The following PPP2R2B variants were observed in gnomAD, a reference collection of about 807,000 sequenced individuals.
PPP2R2B encodes protein phosphatase 2 regulatory subunit Bbeta.
A neutral mutation model predicts 46.0 loss-of-function variants in PPP2R2B; 5 were observed. The observed-to-expected ratio is 0.11, with a 90% CI of 0.06 to 0.23. The LOEUF (loss-of-function observed/expected upper bound fraction) is 0.23. PPP2R2B is among the 10% of genes least tolerant of loss of function. The pLI is 1.00. For synonymous variants in PPP2R2B, 215 were observed against 206.7 expected (o/e 1.04, Z -0.34); for missense variants, 367 against 575.0 (o/e 0.64, Z 3.70).
intron 7 of PPP2R2B, among the ~76,000 whole-genome samples, chr5:146,621,654 G>A (rs1190316114): frequency 6.6e-6 from 1 of 152,106 alleles, no homozygotes; most frequent in East Asian, 1.9e-4. Flanking sequence ...GAGGCAATGT[G>A]GAGAACAGTC....
intron 1 of PPP2R2B, among the ~76,000 whole-genome samples, chr5:146,920,494 C>T (rs1331187031): frequency 6.6e-6 from 1 of 152,192 alleles, no homozygotes; most frequent in Non-Finnish European, 1.5e-5. Flanking sequence ...ATGAGTTCTT[C>T]AGGGAGGGCA....
intron 1 of PPP2R2B, among the ~76,000 whole-genome samples, chr5:147,046,626 C>T (rs149251710): frequency 3.3e-5 from 5 of 152,024 alleles, no homozygotes; most frequent in African/African-American, 1.2e-4. Context: ...GAGCACTGAT[C>T]AGTGTATGTT....
At chr5:146,808,091 G>T (rs1469022416) in intron 2 of PPP2R2B, among the ~76,000 whole-genome samples, 1 of 151,896 alleles carries the variant, frequency 6.6e-6, no homozygotes, top group Non-Finnish European at 1.5e-5. Flanking sequence ...GTGAGCCACC[G>T]CACCCAGCTA....
intron 2 of PPP2R2B, among the ~76,000 whole-genome samples, chr5:147,069,785 G>GATTTTT (rs1757521827): frequency 1.5e-5 from 1 of 64,786 alleles, no homozygotes; most frequent in Non-Finnish European, 2.5e-5. Flanking sequence ...ATTTTATACT[G>GATTTTT]TTTTTTTTTT....
At chr5:146,834,323 A>G (rs1489235910) in intron 2 of PPP2R2B, among the ~76,000 whole-genome samples, 1 of 152,224 alleles carries the variant, frequency 6.6e-6, no homozygotes, top group Non-Finnish European at 1.5e-5. Flanking sequence ...GGGTGACTTG[A>G]CTAAAGTTAC....
intron 7 of PPP2R2B, among the ~76,000 whole-genome samples, chr5:146,630,108 C>A (rs375686203): frequency 6.6e-5 from 10 of 152,340 alleles, no homozygotes; most frequent in African/African-American, 2.4e-4. Context: ...AGCCACCATG[C>A]CTGGCTGTGG....
At chr5:146,799,114 A>G (rs771309650) in intron 2 of PPP2R2B, among the ~76,000 whole-genome samples, 3 of 152,198 alleles carry the variant, frequency 2.0e-5, no homozygotes, top group Non-Finnish European at 2.9e-5. Context: ...CTTACTCCCC[A>G]GTTCTTAGAT....
At chr5:146,643,554 C>T (rs1047516876) in intron 6 of PPP2R2B, among the ~76,000 whole-genome samples, 4 of 152,060 alleles carry the variant, frequency 2.6e-5, no homozygotes, top group African/African-American at 9.7e-5. Flanking sequence ...GATGCAAAGG[C>T]ATAAGAATGA....
intron 4 of PPP2R2B, among the ~76,000 whole-genome samples, chr5:146,693,395 T>C (rs1036320916): frequency 5.9e-5 from 9 of 152,136 alleles, no homozygotes; most frequent in Non-Finnish European, 8.8e-5. Flanking sequence ...TTCTATTTTT[T>C]ATAGAGACAT....
intron 2 of PPP2R2B, among the ~76,000 whole-genome samples, chr5:146,701,389 T>G (rs897746697): frequency 6.6e-6 from 1 of 152,134 alleles, no homozygotes; most frequent in Admixed American, 6.5e-5. Context: ...AAAAACACAT[T>G]TATACCCTTT....
At position 146,878,481 on chromosome 5, in the gene PPP2R2B, T is replaced by G; in HGVS notation, c.-125+110A>C. On this transcript the variant is annotated intron_variant, in intron 1 of 9. Transcript: ENST00000394411. The surrounding 1 kb of genome is among the most constrained non-coding windows in gnomAD (Gnocchi z 4.5). ...CCCCTCCTTGGCAGCCGCTCCAAAA[T>G]GCAAAAAAGATCCCTCCTCCCCCTG... 1 of 1,312,338 alleles carries G rather than the reference T, an allele frequency of 7.6e-7. No individual in the cohort carries two copies. The highest frequency in any genetic ancestry group is 9.7e-7 in the Non-Finnish European group (1 of 1,026,988). The allele number at this position is 1,312,338 out of a possible 1,614,324, so 81.3% of individuals were successfully genotyped here. A position where few individuals can be genotyped will look rare whatever the true frequency, so the allele number is the denominator to read the frequency against.
At position 146,905,885 on chromosome 5, in the gene PPP2R2B, T is replaced by A. The variant is rs550538846; in HGVS notation, c.79+149780A>T. On this transcript the variant is annotated intron_variant, in intron 1 of 8. Coordinates refer to the PPP2R2B transcript ENST00000336640. ...AATAGCAGGAGTCAGCTTTTGGGGA[T>A]GATGGAAATGTTCTCTGTGCTATCC... Among the ~76,000 whole-genome samples, 285 of 152,270 alleles carry A rather than the reference T, an allele frequency of 1.9e-3. 4 individuals are homozygous for A. The highest frequency in any genetic ancestry group is 3.2e-4 in the Non-Finnish European group (22 of 68,024).
chr5:146,620,692 A>T (rs541502894), intron 7 of PPP2R2B, among the ~76,000 whole-genome samples: 13 of 152,250 alleles, frequency 8.5e-5, no homozygotes, highest in African/African-American at 2.4e-4. Context: ...CACTCCACAC[A>T]TCACAGGCTA....
At chr5:147,005,787 AAG>A in intron 1 of PPP2R2B, among the ~76,000 whole-genome samples, 2 of 145,826 alleles carry the variant, frequency 1.4e-5, no homozygotes, top group East Asian at 4.0e-4. Flanking sequence ...GAAAGAGAGA[AAG>A]AGAGAGACAG....
chr5:146,811,784 G>A lies in PPP2R2B; in HGVS notation c.70+66218C>T, dbSNP rs1287934685. Among the ~76,000 whole-genome samples, 7 of 148,706 alleles carry A rather than the reference G, an allele frequency of 4.7e-5. No individual in the cohort carries two copies. In the South Asian group the frequency reaches 8.6e-4, roughly 18 times the overall value. On this transcript the variant is annotated intron_variant, in intron 2 of 9. Transcript: ENST00000394411. ...GGGTTTCACCTTGTTAGCCAGGATGGTCTCGATCTCCTGACCTCGTGATCT... is the reference window on the plus strand; with the variant it reads ...GGGTTTCACCTTGTTAGCCAGGATGATCTCGATCTCCTGACCTCGTGATCT...
intron 2 of PPP2R2B, among the ~76,000 whole-genome samples, chr5:146,797,063 C>A (rs1756584430): frequency 6.6e-6 from 1 of 152,198 alleles, no homozygotes; most frequent in Non-Finnish European, 1.5e-5. Context: ...AACGTTCCCA[C>A]TGTGTTCTCA....
chr5:146,814,211 C>T (rs1304042274), intron 2 of PPP2R2B, among the ~76,000 whole-genome samples: 1 of 151,282 alleles, frequency 6.6e-6, no homozygotes, highest in Non-Finnish European at 1.5e-5. Flanking sequence ...AAAAAACCCT[C>T]CATATCCTAT....
chr5:146,615,580 T>C (rs1773093278), intron 7 of PPP2R2B, among the ~76,000 whole-genome samples: 1 of 118,028 alleles, frequency 8.5e-6, no homozygotes, highest in Non-Finnish European at 1.8e-5. Context: ...AACTGCAGGA[T>C]ACAAAATCAA....
chr5:146,786,984 TAATA>T (rs973420746), intron 2 of PPP2R2B, among the ~76,000 whole-genome samples: 14 of 152,346 alleles, frequency 9.2e-5, no homozygotes, highest in Admixed American at 7.2e-4. Flanking sequence ...TCATTTTTCA[TAATA>T]AATCCCTATT....
Sources: allele counts gnomAD v4.1 joint callset (sites outside exome capture counted in the v4.1 genomes callset), GRCh38; gene constraint gnomAD v4.1.1; non-coding constraint Gnocchi (gnomAD v3.1); transcripts MANE v1.5; gene names NCBI Gene and HGNC (gene_info 2026-07-23, HGNC 2026-07-21).